MRTFB: variants seen among roughly 807,000 people sequenced by gnomAD.
MRTFB encodes the protein myocardin related transcription factor B, also known as myocardin-related transcription factor B.
A neutral mutation model predicts 104.2 loss-of-function variants in MRTFB; 29 were observed. That is an observed-to-expected ratio of 0.28 (90% CI 0.21 to 0.38). The LOEUF is 0.38. MRTFB is among the 10% of genes least tolerant of loss of function. The pLI, the probability that MRTFB is intolerant of heterozygous loss-of-function variation, is 1.00. For synonymous variants in MRTFB, 535 were observed against 519.5 expected (o/e 1.03, Z -0.41); for missense variants, 1,270 against 1,341.6 (o/e 0.95, Z 0.83).
At chr16:14,213,511 A>G (rs2041285982) in intron 5 of MRTFB, 34 bp from the exon 6 acceptor site, 1 of 1,430,006 alleles carries the variant, frequency 7.0e-7, no homozygotes, top group Admixed American at 2.0e-5. Flanking sequence ...TAAATAATAA[A>G]TGATTTATGG....
intron 9 of MRTFB, among the ~76,000 whole-genome samples, chr16:14,239,624 C>T (rs528968101): frequency 4.3e-4 from 65 of 152,170 alleles, no homozygotes; most frequent in African/African-American, 1.4e-3. Flanking sequence ...ACAACAAGAC[C>T]TCAGGAAAAC....
intron 9 of MRTFB, 22 bp downstream of exon 9, chr16:14,234,305 T>C: frequency 6.2e-7 from 1 of 1,609,604 alleles, no homozygotes. Context: ...GGATACACCC[T>C]GGGTTTGGTG....
the MRTFB span, among the ~76,000 whole-genome samples, chr16:14,051,813 T>C: frequency 6.6e-6 from 1 of 152,142 alleles, no homozygotes; most frequent in African/African-American, 2.4e-5. Context: ...CCCCCAAACA[T>C]CCTTCCTTTC....
the MRTFB span, among the ~76,000 whole-genome samples, chr16:14,034,664 G>A: frequency 1.4e-4 from 20 of 145,898 alleles, no homozygotes; most frequent in Non-Finnish European, 2.4e-4. Context: ...TCTTTACATT[G>A]TCCTTCCTTT....
rs1555495148 is a variant in MRTFB at position 14,177,903 on chromosome 16, G to GGGGTGTGT, written c.155-32339_155-32338insGGTGTGTG. Among the ~76,000 whole-genome samples, 1 of 146,074 alleles carries GGGGTGTGT rather than the reference G, an allele frequency of 6.8e-6. No individual in the cohort carries two copies. Among genetic ancestry groups the GGGGTGTGT allele is most frequent in the African/African-American group, 2.5e-5 (1 of 40,232 alleles). ...CGAGAAGTACATGAACCAGAGGTAG[G>GGGGTGTGT]GTGTGTGTGTGTGTGTGTGTGTGTG... On this transcript the variant is annotated intron_variant, in intron 3 of 16. Transcript: ENST00000571589. This position sits in a 1 kb window ranked among gnomAD's most constrained non-coding sequence, Gnocchi z 4.7.
At chr16:14,167,693 T>C (rs1234074729) in intron 3 of MRTFB, among the ~76,000 whole-genome samples, 1 of 152,132 alleles carries the variant, frequency 6.6e-6, no homozygotes, top group Non-Finnish European at 1.5e-5. Context: ...TGTTTTGTTT[T>C]GTTTTTGTTT....
At position 14,261,275 on chromosome 16, in the gene MRTFB, C is replaced by G. The variant is rs372949349; in HGVS notation, c.3131C>G (p.Thr1044Ser). ...TCCGAGACCCAGTTTGCTGCAGGTA[C>G]TCCCTGTCTGTCTCTCGACCTGTCA... The part of the protein sequence containing the change: ...ETSETQFAAG[T>S]PCLSLDLSDS... The change falls in exon 17 of 17, where the codon ACT (threonine) becomes AGT (serine). Residue 1044 changes from threonine to serine, a missense_variant. This residue lies in a region of MRTFB where 1,144 missense variants were observed against 1,131.5 expected (regional missense o/e 1.01). Coordinates refer to ENST00000571589, the MANE Select transcript of MRTFB (RefSeq NM_001308142.2). 1.9e-6 allele frequency: 3 copies of G among 1,614,202 alleles called. No homozygotes were observed. Among genetic ancestry groups the G allele is most frequent in the Non-Finnish European group, 2.5e-6 (3 of 1,180,034 alleles).
At chr16:14,252,639 A>G (rs762500079) in intron 15 of MRTFB, 137 bp downstream of exon 15, 11 of 1,081,564 alleles carry the variant, frequency 1.0e-5, no homozygotes, top group Non-Finnish European at 1.4e-5. Context: ...TGTATTTTAC[A>G]TGGTTATTTA....
chr16:14,116,807 AG>A (rs1401636158), intron 2 of MRTFB, among the ~76,000 whole-genome samples: 1 of 152,108 alleles, frequency 6.6e-6, no homozygotes, highest in African/African-American at 2.4e-5. Flanking sequence ...AAACATCCTC[AG>A]GGGTGGGGAG....
chr16:14,124,050 C>T (rs2036984330), intron 2 of MRTFB, among the ~76,000 whole-genome samples: 1 of 152,164 alleles, frequency 6.6e-6, no homozygotes, highest in Non-Finnish European at 1.5e-5. Context: ...GGAGTTCACT[C>T]ATGATTTGGC....
intron 15 of MRTFB, 90 bp from the exon 16 acceptor site, chr16:14,258,011 A>G: frequency 3.6e-6 from 4 of 1,103,944 alleles, no homozygotes; most frequent in African/African-American, 1.6e-5. Context: ...TTAGAACTAA[A>G]TCATCTAGAA....
At chr16:14,256,146 C>G (rs1208725235) in intron 15 of MRTFB, among the ~76,000 whole-genome samples, 1 of 93,068 alleles carries the variant, frequency 1.1e-5, no homozygotes, top group Non-Finnish European at 2.0e-5. Context: ...AAATTAGATA[C>G]AAAAATGTCA....
the MRTFB span, among the ~76,000 whole-genome samples, chr16:14,037,625 G>C: frequency 1.3e-5 from 2 of 152,152 alleles, no homozygotes; most frequent in African/African-American, 4.8e-5. Context: ...TTGTTTCCTG[G>C]AAAAGAGCAC....
intron 10 of MRTFB, chr16:14,241,504 T>C (rs1358314238): frequency 6.6e-6 from 1 of 152,180 alleles, no homozygotes. Flanking sequence ...TCACTTTTCA[T>C]GAAAAAGAAA....
At chr16:14,023,675 G>GTATATATATATA in the MRTFB span, among the ~76,000 whole-genome samples, 7 of 145,070 alleles carry the variant, frequency 4.8e-5, no homozygotes, top group African/African-American at 1.8e-4. Flanking sequence ...GTGTGTGTGT[G>GTATATATATATA]TCTATATATA....
intron 2 of MRTFB, among the ~76,000 whole-genome samples, chr16:14,124,618 C>G (rs1422997227): frequency 6.6e-6 from 1 of 152,090 alleles, no homozygotes; most frequent in Non-Finnish European, 1.5e-5. Context: ...ATGAAGCCGA[C>G]TCGTGGTGGA....
intron 3 of MRTFB, chr16:14,152,219 T>C (rs1438381714): frequency 6.6e-6 from 1 of 152,078 alleles, no homozygotes; most frequent in Non-Finnish European, 1.5e-5. Context: ...ATCTCTAAAT[T>C]AAGTTTTTTT....
chr16:14,042,995 G>T, the MRTFB span, among the ~76,000 whole-genome samples: 1 of 152,162 alleles, frequency 6.6e-6, no homozygotes, highest in Non-Finnish European at 1.5e-5. Context: ...CCCTGGAGAG[G>T]GTCAGATTTA....
At chr16:14,014,702 A>C in the MRTFB span, among the ~76,000 whole-genome samples, 2,098 of 152,076 alleles carry the variant, frequency 0.014, 26 homozygotes, top group Non-Finnish European at 0.021. Flanking sequence ...AAAAATGCAA[A>C]AAAGAAAAAA....
Sources: allele counts gnomAD v4.1 joint callset (sites outside exome capture counted in the v4.1 genomes callset), GRCh38; gene constraint gnomAD v4.1.1; regional missense constraint gnomAD v4.1.1; non-coding constraint Gnocchi (gnomAD v3.1); transcripts MANE v1.5; gene names NCBI Gene and HGNC (gene_info 2026-07-23, HGNC 2026-07-21).